The following DOCK8 variants were observed in gnomAD, a reference collection of about 807,000 sequenced individuals.
DOCK8 encodes dedicator of cytokinesis protein 8.
A neutral mutation model predicts 245.6 loss-of-function variants in DOCK8; 141 were observed. The observed-to-expected ratio is 0.57, with a 90% confidence interval of 0.50 to 0.66. The LOEUF is 0.66. Ranked by LOEUF, DOCK8 falls within the 30% of genes least tolerant of loss-of-function variation. The pLI is 0.00. For synonymous variants in DOCK8, 1,168 were observed against 970.2 expected (o/e 1.20, Z -3.79); for missense variants, 2,965 against 2,603.4 (o/e 1.14, Z -3.02).
At chr9:395,517 A>C (rs1412233590) in intron 24 of DOCK8, among the ~76,000 whole-genome samples, 1 of 145,022 alleles carries the variant, frequency 6.9e-6, no homozygotes, top group Non-Finnish European at 1.5e-5. Flanking sequence ...TGGGTGGTTC[A>C]ACTTCCAGTG....
Position 376,320 on chromosome 9 carries a change from G to C in DOCK8, c.2205+15G>C, listed in dbSNP as rs1370900594. 11 of 1,569,456 alleles carry C rather than the reference G, an allele frequency of 7.0e-6. No homozygotes were observed. The highest frequency in any genetic ancestry group is 9.7e-6 in the Non-Finnish European group (11 of 1,139,332). ...TACACACCCAGGTAAGGAATGTCAA[G>C]GTTAATCATGAAGGTAAAGGTGCAG... On this transcript the variant is annotated intron_variant, in intron 19 of 47. Coordinates refer to ENST00000432829, the MANE Select transcript of DOCK8 (RefSeq NM_203447.4).
chr9:279,799 C>T (rs964165392), intron 2 of DOCK8, among the ~76,000 whole-genome samples: 4 of 152,206 alleles, frequency 2.6e-5, no homozygotes, highest in Non-Finnish European at 4.4e-5. Context: ...TACAGGTGCG[C>T]CAGCTGGAGA....
chr9:425,103 A>G (rs756572729), intron 33 of DOCK8, among the ~76,000 whole-genome samples: 1 of 152,254 alleles, frequency 6.6e-6, no homozygotes, highest in Non-Finnish European at 1.5e-5. Context: ...AAAATATATT[A>G]AAAATAATTT....
At chr9:442,294 A>C (rs192698453) in intron 42 of DOCK8, among the ~76,000 whole-genome samples, 1 of 152,380 alleles carries the variant, frequency 6.6e-6, no homozygotes, top group East Asian at 1.9e-4. Context: ...AAATTCAATC[A>C]AGGTCATGTG....
Position 463,586 on chromosome 9 carries a change from C to G in DOCK8, c.6138C>G (p.Leu2046=), listed in dbSNP as rs139515839. The G allele has an allele frequency of 1.6e-5, 26 of 1,614,016 alleles. No individual in the cohort carries two copies. The African/African-American group carries it at 2.7e-4, about 17-fold the overall frequency. ...ACCAGAGGGAATATCAGCAGGAACT[C>G]AAAAAGAACTATAACAAGCTAAAAG... ...TADQREYQQE[L]KKNYNKLKEN... The change falls in exon 47 of 48, where the codon CTC becomes CTG. Residue 2046 remains leucine (L), a synonymous_variant. Transcript: ENST00000432829.
rs1269083231 is a variant in DOCK8, at chr9:259,877, G to C, written c.54-11750G>C. Among the ~76,000 whole-genome samples the C allele has an allele frequency of 1.4e-4, 22 of 152,198 alleles. 2 individuals are homozygous for C. The highest frequency in any genetic ancestry group is 1.4e-3 in the Admixed American group (22 of 15,282). ...TTATCTGTGTTTTCCTCAAAGATTA[G>C]ACTCATGAAAGATGTGTGAAAGCCA... On this transcript the variant is annotated intron_variant, in intron 1 of 47. Coordinates refer to ENST00000432829, the MANE Select transcript of DOCK8 (RefSeq NM_203447.4).
chr9:273,219 A>G (rs1455491406), intron 2 of DOCK8: 4 of 751,678 alleles, frequency 5.3e-6, no homozygotes, highest in Non-Finnish European at 4.9e-6. Context: ...GTAACTTTCC[A>G]TGCCATTTTT....
In DOCK8 at chr9:444,205, C is replaced by T. The variant is rs555900468; in HGVS notation, c.5580+689C>T. ...TCCCACAGGGTAAAGGCTCAGTCCTCCTCAAGACTGCCCTGACTTCAGATG... is the reference window on the plus strand; with the variant it reads ...TCCCACAGGGTAAAGGCTCAGTCCTTCTCAAGACTGCCCTGACTTCAGATG... On this transcript the variant is annotated intron_variant, in intron 43 of 47. Coordinates refer to ENST00000432829, the MANE Select transcript of DOCK8 (RefSeq NM_203447.4). 1.6e-4 allele frequency among the ~76,000 whole-genome samples: 24 copies of T among 152,152 alleles called. No homozygotes were observed. In the South Asian group the frequency reaches 4.6e-3, roughly 29 times the overall value.
At chr9:332,241 C>T (rs953662055) in intron 9 of DOCK8, among the ~76,000 whole-genome samples, 157 bp from the exon 10 acceptor site, 1 of 151,906 alleles carries the variant, frequency 6.6e-6, no homozygotes, top group African/African-American at 2.4e-5. Flanking sequence ...AAATTGTATG[C>T]TATTCTTTAT....
chr9:410,943 G>A (rs887064201), intron 28 of DOCK8, among the ~76,000 whole-genome samples: 22 of 152,106 alleles, frequency 1.4e-4, no homozygotes, highest in African/African-American at 5.1e-4. Flanking sequence ...AGAATACGAT[G>A]AACAATTGAA....
chr9:294,271 C>T (rs1196371522), intron 4 of DOCK8, among the ~76,000 whole-genome samples: 1 of 152,072 alleles, frequency 6.6e-6, no homozygotes, highest in Non-Finnish European at 1.5e-5. Flanking sequence ...GCACATTTGC[C>T]CCATACATGT....
intron 1 of DOCK8, among the ~76,000 whole-genome samples, chr9:240,280 A>G (rs2047347532): frequency 6.6e-6 from 1 of 152,172 alleles, no homozygotes; most frequent in African/African-American, 2.4e-5. Flanking sequence ...TCAACCTCAT[A>G]AGATGGAACT....
chr9:388,143 G>T (rs918333296), intron 23 of DOCK8, among the ~76,000 whole-genome samples: 19 of 152,142 alleles, frequency 1.2e-4, no homozygotes, highest in African/African-American at 4.3e-4. Context: ...GGCGACCTTT[G>T]AAGCTGGGGG....
At chr9:343,745 C>T (rs537165453) in intron 14 of DOCK8, among the ~76,000 whole-genome samples, 5 of 152,260 alleles carry the variant, frequency 3.3e-5, no homozygotes, top group African/African-American at 1.2e-4. Flanking sequence ...AAGATGAAGG[C>T]ATGAAAATGT....
At chr9:360,322 T>TAA (rs35203849) in intron 14 of DOCK8, among the ~76,000 whole-genome samples, 45 of 139,246 alleles carry the variant, frequency 3.2e-4, no homozygotes, top group Non-Finnish European at 6.1e-4. Context: ...TCTCAAAATT[T>TAA]AAAAAAAAAA....
At chr9:400,940 A>ACCACCTCCACCACCACCACCACCT (rs2055011826) in intron 26 of DOCK8, among the ~76,000 whole-genome samples, 1 of 55,708 alleles carries the variant, frequency 1.8e-5, no homozygotes, top group East Asian at 3.9e-4. Context: ...AACATCCACC[A>ACCACCTCCACCACCACCACCACCT]CCACCATCAC....
chr9:390,201 G>C (rs983486304), intron 23 of DOCK8, among the ~76,000 whole-genome samples: 38 of 152,236 alleles, frequency 2.5e-4, no homozygotes, highest in African/African-American at 9.1e-4. Flanking sequence ...CCGTAGAATA[G>C]AGTTTCACTC....
At chr9:254,381 G>C (rs1206291651) in intron 1 of DOCK8, among the ~76,000 whole-genome samples, 6 of 152,182 alleles carry the variant, frequency 3.9e-5, no homozygotes, top group Non-Finnish European at 7.3e-5. Flanking sequence ...GCTTCGCTGA[G>C]TGTGTGCCTT....
At chr9:225,606 C>A (rs1368878116) in intron 1 of DOCK8, among the ~76,000 whole-genome samples, 19 of 152,102 alleles carry the variant, frequency 1.2e-4, no homozygotes, top group Admixed American at 1.2e-3. Flanking sequence ...CTACTATGTG[C>A]CTAGCACTAT....
Sources: allele counts gnomAD v4.1 joint callset (sites outside exome capture counted in the v4.1 genomes callset), GRCh38; gene constraint gnomAD v4.1.1; transcripts MANE v1.5; gene names NCBI Gene and HGNC (gene_info 2026-07-23, HGNC 2026-07-21).